The following CAMTA1 variants were observed in gnomAD, a reference collection of about 807,000 sequenced individuals.
The protein encoded by CAMTA1 is calmodulin-binding transcription activator 1.
CAMTA1 carries 27 observed loss-of-function variants against 170.9 expected under a neutral mutation model. That is an observed-to-expected ratio of 0.16 (90% CI 0.12 to 0.22). CAMTA1 has a LOEUF of 0.22. Ranked by LOEUF, CAMTA1 falls within the 10% of genes least tolerant of loss-of-function variation. The pLI is 1.00. For missense variants in CAMTA1, 1,619 were observed against 2,217.2 expected, an observed-to-expected ratio of 0.73 and a Z score of 5.42; for synonymous variants, 833 against 891.5, an observed-to-expected ratio of 0.93 and a Z score of 1.17.
In CAMTA1 at chr1:6,787,878, G is replaced by A. The variant is rs1569742272; in HGVS notation, c.45+2303G>A. ...CTTGATTTCTTTACTGCAGTGTAGG[G>A]GAAAGAGATTTCGTGTGTTTGGACA... On this transcript the variant is annotated intron_variant, in intron 1 of 22. Coordinates refer to ENST00000303635, the MANE Select transcript of CAMTA1 (RefSeq NM_015215.4). Among the ~76,000 whole-genome samples the A allele has an allele frequency of 2.0e-5, 3 of 152,186 alleles. No individual in the cohort carries two copies. In the South Asian group the frequency reaches 6.2e-4, roughly 32 times the overall value.
At chr1:7,342,782 C>T (rs1430175908) in intron 5 of CAMTA1, among the ~76,000 whole-genome samples, 7 of 152,154 alleles carry the variant, frequency 4.6e-5, no homozygotes, top group African/African-American at 1.7e-4. Flanking sequence ...AAGATGGAGC[C>T]ATCTTGAGGC....
At chr1:7,241,687 A>AGT (rs1255117509) in intron 4 of CAMTA1, among the ~76,000 whole-genome samples, 1 of 152,198 alleles carries the variant, frequency 6.6e-6, no homozygotes, top group Non-Finnish European at 1.5e-5. Context: ...AATTCAGTGG[A>AGT]GTTGGGGGTG....
At chr1:7,524,740 C>G (rs532754949) in intron 6 of CAMTA1, among the ~76,000 whole-genome samples, 1 of 152,252 alleles carries the variant, frequency 6.6e-6, no homozygotes, top group East Asian at 1.9e-4. Flanking sequence ...TTGTACCATA[C>G]CCAGGACTGC....
At chr1:6,948,654 T>C (rs1387442799) in intron 3 of CAMTA1, among the ~76,000 whole-genome samples, 2 of 152,198 alleles carry the variant, frequency 1.3e-5, no homozygotes, top group African/African-American at 2.4e-5. Context: ...GACACTATGC[T>C]GGACAGTTGC....
intron 6 of CAMTA1, among the ~76,000 whole-genome samples, chr1:7,613,519 C>G (rs2095537600): frequency 6.6e-6 from 1 of 152,168 alleles, no homozygotes; most frequent in African/African-American, 2.4e-5. Context: ...GAGGCAGCAA[C>G]CAGCCCCCTC....
chr1:7,176,925 G>A (rs190751249), intron 4 of CAMTA1, among the ~76,000 whole-genome samples: 3 of 152,078 alleles, frequency 2.0e-5, no homozygotes, highest in Middle Eastern at 3.4e-3. Context: ...ACTAGATTGC[G>A]GAGAGGCTGG....
chr1:7,623,465 A>T (rs1191098271), intron 6 of CAMTA1, among the ~76,000 whole-genome samples: 1 of 152,196 alleles, frequency 6.6e-6, no homozygotes, highest in Non-Finnish European at 1.5e-5. Flanking sequence ...CTGACTTCCC[A>T]TCAGCTCCAC....
chr1:7,245,193 G>A (rs952064631), intron 4 of CAMTA1, among the ~76,000 whole-genome samples: 1 of 147,022 alleles, frequency 6.8e-6, no homozygotes, highest in Non-Finnish European at 1.5e-5. Context: ...ATATATATAT[G>A]TGTGTGTGTA....
rs1388747813 is a variant in CAMTA1 at position 6,960,696 on chromosome 1, C to T, written c.235-130608C>T. Among the ~76,000 whole-genome samples the T allele has an allele frequency of 5.9e-5, 9 of 152,202 alleles. No individual in the cohort carries two copies. The South Asian group carries it at 6.2e-4, about 11-fold the overall frequency. On this transcript the variant is annotated intron_variant, in intron 3 of 22. Transcript: ENST00000303635. ...TCTCTCCAGCTAGACAGCGACTTCT[C>T]GAGGGCAGAGCCCACTCTGCCTTTG...
At chr1:7,187,402 T>C (rs1033481795) in intron 4 of CAMTA1, among the ~76,000 whole-genome samples, 3 of 152,200 alleles carry the variant, frequency 2.0e-5, no homozygotes, top group Non-Finnish European at 4.4e-5. Flanking sequence ...CATTCTTTTA[T>C]GAAATTATAT....
intron 3 of CAMTA1, among the ~76,000 whole-genome samples, chr1:7,002,845 C>T (rs938770461): frequency 1.3e-5 from 2 of 152,220 alleles, no homozygotes; most frequent in African/African-American, 2.4e-5. Flanking sequence ...CCATGACTCA[C>T]TCTTGACGAT....
At position 6,801,294 on chromosome 1, in the gene CAMTA1, G is replaced by C. The variant is rs138304950; in HGVS notation, c.45+15719G>C. Among the ~76,000 whole-genome samples, 6 of 152,224 alleles carry C rather than the reference G, an allele frequency of 3.9e-5. No individual in the cohort carries two copies. The East Asian group carries it at 1.2e-3, about 29-fold the overall frequency. ...GGTGATAGTGGCGACCTCTCTAACT[G>C]GGCTAAATATCCTTGACAGCTTTTT... On this transcript the variant is annotated intron_variant, in intron 1 of 22. Coordinates refer to ENST00000303635, the MANE Select transcript of CAMTA1 (RefSeq NM_015215.4).
chr1:7,127,794 G>A (rs1402082954), intron 4 of CAMTA1, among the ~76,000 whole-genome samples: 1 of 152,212 alleles, frequency 6.6e-6, no homozygotes, highest in Non-Finnish European at 1.5e-5. Context: ...GCAGGAAACC[G>A]CTAACCTAGC....
chr1:6,909,579 G>T (rs559345155), intron 3 of CAMTA1, among the ~76,000 whole-genome samples: 1 of 152,340 alleles, frequency 6.6e-6, no homozygotes, highest in Admixed American at 6.5e-5. Context: ...CAGGGGTTTG[G>T]CTGTATGGGA....
intron 6 of CAMTA1, among the ~76,000 whole-genome samples, chr1:7,603,187 T>C (rs932172892): frequency 6.6e-6 from 1 of 152,256 alleles, no homozygotes; most frequent in Non-Finnish European, 1.5e-5. Flanking sequence ...GTTCTGTAGA[T>C]GTCTATTAGG....
intron 11 of CAMTA1, among the ~76,000 whole-genome samples, chr1:7,690,855 T>A (rs1200430471): frequency 6.6e-6 from 1 of 152,224 alleles, no homozygotes; most frequent in Non-Finnish European, 1.5e-5. Flanking sequence ...ATGTGAGGCT[T>A]CTGGAGCCTC....
At chr1:7,075,271 C>T (rs922709251) in intron 3 of CAMTA1, among the ~76,000 whole-genome samples, 19 of 152,098 alleles carry the variant, frequency 1.2e-4, no homozygotes, top group African/African-American at 4.1e-4. Flanking sequence ...CTTAGCAAGT[C>T]GTCAGAAATG....
intron 4 of CAMTA1, among the ~76,000 whole-genome samples, chr1:7,157,344 C>CAAAGAAAAA: frequency 1.0e-5 from 1 of 99,498 alleles, no homozygotes; most frequent in Non-Finnish European, 1.9e-5. Context: ...GACTCTGTCT[C>CAAAGAAAAA]AAAAAAAAAA....
intron 3 of CAMTA1, among the ~76,000 whole-genome samples, chr1:7,004,467 G>T (rs1572372562): frequency 6.6e-6 from 1 of 152,244 alleles, no homozygotes; most frequent in East Asian, 1.9e-4. Context: ...TTTATTGCTA[G>T]AATGTTCTCA....
Sources: allele counts gnomAD v4.1 joint callset (sites outside exome capture counted in the v4.1 genomes callset), GRCh38; gene constraint gnomAD v4.1.1; transcripts MANE v1.5; gene names NCBI Gene and HGNC (gene_info 2026-07-23, HGNC 2026-07-21).